IGFBP2: variants seen among roughly 807,000 people sequenced by gnomAD.
The protein encoded by IGFBP2 is insulin-like growth factor-binding protein 2.
Under a neutral mutation model 26.2 loss-of-function variants are expected in IGFBP2, and 12 were observed. The observed-to-expected ratio is 0.46, with a 90% CI of 0.29 to 0.74. The LOEUF (loss-of-function observed/expected upper bound fraction) is 0.74, where lower values mean the gene tolerates loss of function less well. IGFBP2 is among the 30% of genes least tolerant of loss of function. The pLI, the probability that IGFBP2 is intolerant of heterozygous loss-of-function variation, is 0.09. For synonymous variants in IGFBP2, 189 were observed against 200.6 expected, an observed-to-expected ratio of 0.94 and a Z score of 0.49; for missense variants, 328 against 441.2, an observed-to-expected ratio of 0.74 and a Z score of 2.30.
intron 1 of IGFBP2, among the ~76,000 whole-genome samples, chr2:216,648,674 T>C (rs902946031): frequency 2.6e-5 from 4 of 152,138 alleles, no homozygotes; most frequent in Admixed American, 6.5e-5. Context: ...AGTGGCGCGA[T>C]CTTGGCTCAC....
chr2:216,633,199 TAGTC>T (rs1697412559), upstream of IGFBP2, among the ~76,000 whole-genome samples: 1 of 152,062 alleles, frequency 6.6e-6, no homozygotes, highest in Non-Finnish European at 1.5e-5. Flanking sequence ...TCAGGAGTCA[TAGTC>T]AGGCCAGAAG....
chr2:216,642,345 C>T (rs1697633510), intron 1 of IGFBP2, among the ~76,000 whole-genome samples: 1 of 134,580 alleles, frequency 7.4e-6, no homozygotes, highest in Non-Finnish European at 1.5e-5. Flanking sequence ...CTTGCTCTGT[C>T]ACCCAGGCTG....
chr2:216,634,079 C>G, intron 1 of IGFBP2, 114 bp downstream of exon 1: 1 of 1,398,896 alleles, frequency 7.1e-7, no homozygotes, highest in Non-Finnish European at 9.4e-7. Context: ...GACCTTGGAC[C>G]AAATCAAGGG....
rs578172937 is a variant in IGFBP2, at chr2:216,660,859, C to A, written c.672+73C>A. ...TGGGGTCTCAGCTGGAGGAGGGCATCCTAATAAGACCCTCATCTGGTGTGA... is the reference window on the plus strand; with the variant it reads ...TGGGGTCTCAGCTGGAGGAGGGCATACTAATAAGACCCTCATCTGGTGTGA... On this transcript the variant is annotated intron_variant, in intron 2 of 3. Coordinates refer to ENST00000233809, the MANE Select transcript of IGFBP2 (RefSeq NM_000597.3). 5.3e-6 allele frequency: 6 copies of A among 1,135,046 alleles called. No homozygotes were observed. The Admixed American group carries it at 1.2e-4, about 23-fold the overall frequency. 70.3% of individuals were successfully genotyped at this position (1,135,046 alleles called of 1,614,324 possible).
rs1697434205 is a variant in IGFBP2, at chr2:216,633,686, C to A, written c.163C>A (p.Pro55Thr). ...CTPERLAACG[P>T]PPVAPPAAVA... ...ACCCGAGCGCCTGGCCGCCTGCGGG[C>A]CCCCGCCGGTTGCGCCGCCCGCCGC... Residue 55 changes from proline (P) to threonine (T), a missense_variant, in exon 1 of 4, where the codon CCC (proline) becomes ACC (threonine). Physicochemically the swap from Pro to Thr is conservative, Grantham distance 38. Coordinates refer to ENST00000233809, the MANE Select transcript of IGFBP2 (RefSeq NM_000597.3). 2 of 1,150,684 alleles carry A rather than the reference C, an allele frequency of 1.7e-6. No homozygotes were observed. Among genetic ancestry groups the A allele is most frequent in the African/African-American group, 3.3e-5 (2 of 61,134 alleles). 71.3% of individuals were successfully genotyped at this position (1,150,684 alleles called of 1,614,324 possible).
intron 1 of IGFBP2, among the ~76,000 whole-genome samples, chr2:216,643,709 A>G (rs898923841): frequency 1.3e-5 from 2 of 152,178 alleles, no homozygotes; most frequent in African/African-American, 4.8e-5. Context: ...GTTTTAAGAA[A>G]GTTTACGAAA....
In IGFBP2 at chr2:216,649,060, G is replaced by C. The variant is rs527732093; in HGVS notation, c.443-11497G>C. 6.6e-5 allele frequency among the ~76,000 whole-genome samples: 10 copies of C among 152,302 alleles called. 1 individual carries two copies. The East Asian group carries it at 1.4e-3, about 21-fold the overall frequency. ...CTTAGTGTTTATCTTTCTTAGCTAAGCAGACTTGCATATATGTGATAGATG... is the reference window on the plus strand; with the variant it reads ...CTTAGTGTTTATCTTTCTTAGCTAACCAGACTTGCATATATGTGATAGATG... On this transcript the variant is annotated intron_variant, in intron 1 of 3. Coordinates refer to ENST00000233809, the MANE Select transcript of IGFBP2 (RefSeq NM_000597.3).
At chr2:216,655,376 C>T (rs547397161) in intron 1 of IGFBP2, among the ~76,000 whole-genome samples, 258 of 152,196 alleles carry the variant, frequency 1.7e-3, no homozygotes, top group African/African-American at 6.0e-3. Context: ...CTCGTGATAG[C>T]GAGTGAGTTC....
intron 1 of IGFBP2, among the ~76,000 whole-genome samples, chr2:216,640,670 G>A (rs1697593649): frequency 6.6e-6 from 1 of 152,176 alleles, no homozygotes; most frequent in South Asian, 2.1e-4. Context: ...GGCTAACCTG[G>A]GTACCTTCCC....
intron 1 of IGFBP2, among the ~76,000 whole-genome samples, chr2:216,637,886 A>C (rs2106188100): frequency 6.6e-6 from 1 of 152,334 alleles, no homozygotes; most frequent in East Asian, 1.9e-4. Flanking sequence ...GCTGGAAATT[A>C]GTTCTATAAA....
At chr2:216,641,688 ATTT>A (rs71401159) in intron 1 of IGFBP2, among the ~76,000 whole-genome samples, 12 of 133,376 alleles carry the variant, frequency 9.0e-5, no homozygotes, top group African/African-American at 2.0e-4. Flanking sequence ...TCGGGCTTGC[ATTT>A]TTTTTTTTTT....
Position 216,633,488 on chromosome 2 carries a change from T to TCGCTCGCC in IGFBP2, c.-32_-25dup, listed in dbSNP as rs1365507804. 1.7e-5 allele frequency: 10 copies of TCGCTCGCC among 578,558 alleles called. No homozygotes were observed. Among genetic ancestry groups the TCGCTCGCC allele is most frequent in the African/African-American group, 2.0e-5 (1 of 48,968 alleles). 35.8% of individuals were successfully genotyped at this position (578,558 alleles called of 1,614,324 possible). On this transcript the variant is annotated 5_prime_UTR_variant, in exon 1 of 4. Transcript: ENST00000233809. ...GCCACCTGCCCGCCCGCCCGCTCGC[T>TCGCTCGCC]CGCTCGCCCGCCGCGCCGCGCTGCC...
chr2:216,650,687 G>A (rs1697802017), intron 1 of IGFBP2, among the ~76,000 whole-genome samples: 1 of 152,178 alleles, frequency 6.6e-6, no homozygotes, highest in African/African-American at 2.4e-5. Flanking sequence ...GAAGAGAAAG[G>A]CCAGTTCTTG....
chr2:216,647,766 C>T (rs575784133), intron 1 of IGFBP2, among the ~76,000 whole-genome samples: 10 of 152,112 alleles, frequency 6.6e-5, no homozygotes, highest in Non-Finnish European at 1.0e-4. Context: ...GTGATCTGCC[C>T]GCCTTGGCCT....
At chr2:216,655,888 C>G (rs1697911577) in intron 1 of IGFBP2, among the ~76,000 whole-genome samples, 1 of 148,982 alleles carries the variant, frequency 6.7e-6, no homozygotes, top group South Asian at 2.1e-4. Context: ...GAGCGATACT[C>G]TGTCTCAAAA....
Position 216,633,905 on chromosome 2 carries a change from G to A in IGFBP2, c.382G>A (p.Glu128Lys). The A allele has an allele frequency of 6.3e-7, 1 of 1,599,254 alleles. No homozygotes were observed. The highest frequency in any genetic ancestry group is 8.5e-7 in the Non-Finnish European group (1 of 1,174,910). Residue 128 changes from glutamate (E) to lysine (K), a missense_variant, in exon 1 of 4, where the codon GAG (glutamate) becomes AAG (lysine). Transcript: ENST00000233809. ...GCCCCTGCAGGCGCTGGTCATGGGC[G>A]AGGGCACTTGTGAGAAGCGCCGGGA... ...ELPLQALVMG[E>K]GTCEKRRDAE...
At chr2:216,640,751 C>G (rs72547221) in intron 1 of IGFBP2, among the ~76,000 whole-genome samples, 3 of 152,346 alleles carry the variant, frequency 2.0e-5, no homozygotes. Flanking sequence ...TTGACCGTAT[C>G]AACCAGCAGT....
At chr2:216,634,301 A>T (rs891846438) in intron 1 of IGFBP2, among the ~76,000 whole-genome samples, 2 of 152,072 alleles carry the variant, frequency 1.3e-5, no homozygotes, top group African/African-American at 4.8e-5. Flanking sequence ...GATCCATGGG[A>T]GTAGGAACTC....
chr2:216,633,744 C>G lies in IGFBP2; in HGVS notation c.221C>G (p.Pro74Arg). The G allele has an allele frequency of 4.6e-6, 6 of 1,291,232 alleles. No homozygotes were observed. The highest frequency in any genetic ancestry group is 4.9e-6 in the Non-Finnish European group (5 of 1,022,394). The allele number at this position is 1,291,232 out of a possible 1,614,324, so 80.0% of individuals were successfully genotyped here. Reference sequence around the variant, plus strand: ...GCAGTGGCCGGAGGCGCCCGCATGCCATGCGCGGAGCTCGTCCGGGAGCCG... The same window carrying G: ...GCAGTGGCCGGAGGCGCCCGCATGCGATGCGCGGAGCTCGTCCGGGAGCCG... ...VAAVAGGARM[P>R]CAELVREPGC... Residue 74 changes from proline (P) to arginine (R), a missense_variant, in exon 1 of 4, where the codon CCA (proline) becomes CGA (arginine). Pro to Arg is a moderately radical substitution (Grantham distance 103, BLOSUM62 -2). Coordinates refer to ENST00000233809, the MANE Select transcript of IGFBP2 (RefSeq NM_000597.3).
Sources: allele counts gnomAD v4.1 joint callset (sites outside exome capture counted in the v4.1 genomes callset), GRCh38; gene constraint gnomAD v4.1.1; transcripts MANE v1.5; gene names NCBI Gene and HGNC (gene_info 2026-07-23, HGNC 2026-07-21).